Variants in TRAP1 observed in about 807,000 individuals in gnomAD.
The protein encoded by TRAP1 is TNF receptor associated protein 1, also known as heat shock protein 75 kDa, mitochondrial.
TRAP1 carries 102 observed loss-of-function variants against 89.1 expected under a neutral mutation model. The observed-to-expected ratio is 1.15, with a 90% confidence interval of 0.98 to 1.35. TRAP1 has a LOEUF of 1.35. Ranked by LOEUF, TRAP1 falls within the 40% of genes most tolerant of loss-of-function variation. TRAP1 has a pLI of 0.00. For missense variants in TRAP1, 1,256 were observed against 945.3 expected (o/e 1.33, Z -4.31); for synonymous variants, 508 against 388.0 (o/e 1.31, Z -3.64).
At chr16:3,705,138 C>T (rs1284287300) in intron 1 of TRAP1, among the ~76,000 whole-genome samples, 1 of 152,160 alleles carries the variant, frequency 6.6e-6, no homozygotes, top group Admixed American at 6.5e-5. Flanking sequence ...CATCTGGGCT[C>T]ACTGTAAGCT....
rs774476302 is a variant in TRAP1 at position 3,676,155 on chromosome 16, G to C, written c.705-10C>G. The C allele has an allele frequency of 6.2e-7, 1 of 1,611,250 alleles. No homozygotes were observed. The highest frequency in any genetic ancestry group is 1.1e-5 in the South Asian group (1 of 90,824). ...TTCAAACACTCCAGAACTAAGGCAG[G>C]CAAAGAAAGGAAAAGCCAGGTGGAT... On this transcript the variant is annotated splice_polypyrimidine_tract_variant and intron_variant, in intron 6 of 17. Transcript: ENST00000246957.
intron 1 of TRAP1, 162 bp from the exon 2 acceptor site, chr16:3,691,147 G>C (rs1019113173): frequency 8.3e-6 from 5 of 601,254 alleles, no homozygotes; most frequent in African/African-American, 1.9e-5. Flanking sequence ...ACAGTGTCAG[G>C]GTGTGGTTTT....
intron 5 of TRAP1, 90 bp from the exon 6 acceptor site, chr16:3,677,748 A>T (rs893623232): frequency 6.9e-7 from 1 of 1,451,012 alleles, no homozygotes; most frequent in African/African-American, 1.4e-5. Flanking sequence ...CACCGCTAAG[A>T]CCCCTTCATC....
At chr16:3,706,391 C>G (rs912755381) in intron 1 of TRAP1, among the ~76,000 whole-genome samples, 7 of 151,938 alleles carry the variant, frequency 4.6e-5, no homozygotes, top group African/African-American at 7.3e-5. Context: ...AGCGATCCTC[C>G]CACCTCAGCC....
intron 1 of TRAP1, among the ~76,000 whole-genome samples, chr16:3,708,429 G>A (rs1343689375): frequency 6.6e-6 from 1 of 152,130 alleles, no homozygotes; most frequent in African/African-American, 2.4e-5. Flanking sequence ...ATGAGGTCAG[G>A]AGTTCAAGAC....
rs1002531217 is a variant in TRAP1 at position 3,693,566 on chromosome 16, G to A, written c.89-2581C>T. 2.8e-4 allele frequency among the ~76,000 whole-genome samples: 42 copies of A among 152,142 alleles called. 1 individual carries two copies. Among genetic ancestry groups the A allele is most frequent in the Non-Finnish European group, 1.5e-5 (1 of 68,040 alleles). ...GTCCAAGTGCCAACACCTGCCCACA[G>A]AGCATATCAGTGTTTCTCACCATTT... On this transcript the variant is annotated intron_variant, in intron 1 of 17. Coordinates refer to ENST00000246957, the MANE Select transcript of TRAP1 (RefSeq NM_016292.3).
intron 1 of TRAP1, among the ~76,000 whole-genome samples, chr16:3,705,787 C>T (rs927843295): frequency 1.3e-5 from 2 of 152,176 alleles, no homozygotes; most frequent in East Asian, 1.9e-4. Context: ...TCAAGTGATT[C>T]TCCTGCCTCA....
At chr16:3,665,936 G>A (rs2050821010) in intron 12 of TRAP1, 35 bp downstream of exon 12, 1 of 1,595,854 alleles carries the variant, frequency 6.3e-7, no homozygotes, top group South Asian at 1.1e-5. Flanking sequence ...GGGACAAGGT[G>A]GCCCAGAAAA....
intron 15 of TRAP1, chr16:3,662,380 G>A (rs555491930): frequency 8.5e-6 from 5 of 588,316 alleles, no homozygotes; most frequent in African/African-American, 3.7e-5. Context: ...TCCAGGAGCT[G>A]CCCGAATCCA....
At chr16:3,714,539 G>A (rs897100724) in intron 1 of TRAP1, among the ~76,000 whole-genome samples, 2 of 152,178 alleles carry the variant, frequency 1.3e-5, no homozygotes, top group Admixed American at 1.3e-4. Context: ...TGCGCCTGTA[G>A]TCCCAGCTAC....
chr16:3,672,899 C>T (rs977636856), intron 9 of TRAP1, 79 bp from the exon 10 acceptor site: 12 of 1,520,220 alleles, frequency 7.9e-6, no homozygotes, highest in South Asian at 6.4e-5. Context: ...GGGGCGGACA[C>T]GATGAATCCA....
At chr16:3,674,215 C>T (rs1055496596) in intron 9 of TRAP1, 124 bp downstream of exon 9, 7 of 1,336,550 alleles carry the variant, frequency 5.2e-6, no homozygotes, top group Non-Finnish European at 7.1e-6. Flanking sequence ...GCCACCACAC[C>T]CAGCACTACC....
In TRAP1 at chr16:3,667,253, A is replaced by G. The variant is rs565482137; in HGVS notation, c.1236-1135T>C. On this transcript the variant is annotated intron_variant, in intron 11 of 17. Coordinates refer to ENST00000246957, the MANE Select transcript of TRAP1 (RefSeq NM_016292.3). ...AAGAGTCAGAGCCCAAGTAGGTGAC[A>G]GGGACACCCGCAGAAGAGGGCAGTG... Among the ~76,000 whole-genome samples, 18 of 152,296 alleles carry G rather than the reference A, an allele frequency of 1.2e-4. No homozygotes were observed. In the South Asian group the frequency reaches 2.3e-3, roughly 19 times the overall value.
chr16:3,697,969 T>A (rs1206122291), intron 1 of TRAP1, among the ~76,000 whole-genome samples: 14 of 147,088 alleles, frequency 9.5e-5, no homozygotes, highest in Admixed American at 9.4e-4. Context: ...TTGTGTTTTT[T>A]TGTTTTTTTG....
At chr16:3,697,663 CAAAAAAAA>C (rs563704469) in intron 1 of TRAP1, among the ~76,000 whole-genome samples, 1 of 101,458 alleles carries the variant, frequency 9.9e-6, no homozygotes, top group Non-Finnish European at 2.1e-5. Context: ...GACTCTGTCT[CAAAAAAAA>C]AAAAAAAAGG....
At chr16:3,692,091 G>A (rs2051222146) in intron 1 of TRAP1, among the ~76,000 whole-genome samples, 1 of 152,190 alleles carries the variant, frequency 6.6e-6, no homozygotes, top group African/African-American at 2.4e-5. Flanking sequence ...ATACGTGATG[G>A]TGTCAAGGAT....
intron 4 of TRAP1, among the ~76,000 whole-genome samples, chr16:3,683,734 G>A (rs12600262): frequency 1.3e-5 from 2 of 150,744 alleles, no homozygotes; most frequent in South Asian, 2.1e-4. Context: ...AGATGGCAAC[G>A]CTGTACTATC....
At chr16:3,663,924 G>T (rs1488442354) in intron 13 of TRAP1, 2 of 359,062 alleles carry the variant, frequency 5.6e-6, no homozygotes, top group Non-Finnish European at 1.0e-5. Flanking sequence ...TTTGCTGGGT[G>T]TGGTGGTGTG....
chr16:3,706,112 G>A (rs945492179), intron 1 of TRAP1, among the ~76,000 whole-genome samples: 4 of 150,130 alleles, frequency 2.7e-5, no homozygotes, highest in Admixed American at 6.7e-5. Context: ...CCGCCACCAC[G>A]CCCAGTTAAT....
Sources: allele counts gnomAD v4.1 joint callset (sites outside exome capture counted in the v4.1 genomes callset), GRCh38; gene constraint gnomAD v4.1.1; transcripts MANE v1.5; gene names NCBI Gene and HGNC (gene_info 2026-07-23, HGNC 2026-07-21).